CILK1: variants seen among roughly 807,000 people sequenced by gnomAD.
The protein encoded by CILK1 is serine/threonine-protein kinase ICK.
CILK1 carries 47 observed loss-of-function variants against 79.2 expected under a neutral mutation model. The observed-to-expected ratio is 0.59, with a 90% CI of 0.47 to 0.76. The LOEUF (loss-of-function observed/expected upper bound fraction) is 0.76. Among genes scored for constraint, CILK1 ranks in the 30% least tolerant of loss-of-function variants. The pLI is 0.00. For missense variants in CILK1, 660 were observed against 769.5 expected, an observed-to-expected ratio of 0.86 and a Z score of 1.68; for synonymous variants, 266 against 275.9, an observed-to-expected ratio of 0.96 and a Z score of 0.36.
intron 1 of CILK1, among the ~76,000 whole-genome samples, chr6:53,047,293 T>G (rs764047614): frequency 1.4e-4 from 21 of 150,540 alleles, no homozygotes; most frequent in Non-Finnish European, 2.7e-4. Context: ...CATGCAGGAG[T>G]TTTTTGTTTT....
At chr6:53,024,810 C>T (rs1183199076) in intron 5 of CILK1, among the ~76,000 whole-genome samples, 6 of 150,938 alleles carry the variant, frequency 4.0e-5, no homozygotes, top group Middle Eastern at 6.8e-3. Flanking sequence ...CTCTACTCTC[C>T]CTTTCAATCC....
rs529330020 is a variant in CILK1 at position 53,014,613 on chromosome 6, A to C, written c.832-631T>G. 5.9e-5 allele frequency among the ~76,000 whole-genome samples: 9 copies of C among 152,360 alleles called. No homozygotes were observed. In the South Asian group the frequency reaches 1.7e-3, roughly 28 times the overall value. ...TATATTCTCTTGTCTTTCTGAATGA[A>C]AGTTATTAAGCATAACATAATCTTT... On this transcript the variant is annotated intron_variant, in intron 8 of 13. Transcript: ENST00000676107.
intron 1 of CILK1, among the ~76,000 whole-genome samples, chr6:53,049,584 A>G (rs1268178462): frequency 2.0e-5 from 3 of 152,200 alleles, no homozygotes; most frequent in African/African-American, 7.2e-5. Context: ...GGCAGGTGGG[A>G]AACATGAAAG....
chr6:53,054,183 T>C (rs545615426), intron 1 of CILK1, among the ~76,000 whole-genome samples: 3 of 152,078 alleles, frequency 2.0e-5, no homozygotes, highest in Non-Finnish European at 2.9e-5. Flanking sequence ...AGCTCACATG[T>C]CACCTCTTCC....
At chr6:53,045,719 A>T (rs1767026582) in intron 1 of CILK1, among the ~76,000 whole-genome samples, 1 of 150,544 alleles carries the variant, frequency 6.6e-6, no homozygotes, top group Non-Finnish European at 1.5e-5. Context: ...TCTGTGTATG[A>T]ATCCTCCATC....
intron 1 of CILK1, among the ~76,000 whole-genome samples, chr6:53,048,025 C>T (rs1389410092): frequency 6.6e-6 from 1 of 152,040 alleles, no homozygotes; most frequent in African/African-American, 2.4e-5. Flanking sequence ...GGGAACACAG[C>T]ATTCAGACAA....
At chr6:53,032,680 A>G (rs1341862626) in intron 3 of CILK1, 26 bp from the exon 4 acceptor site, 3 of 1,570,580 alleles carry the variant, frequency 1.9e-6, no homozygotes, top group Admixed American at 1.7e-5. Flanking sequence ...TAAACACAAA[A>G]CAAAACAAAT....
At chr6:53,048,672 G>C (rs1370050781) in intron 1 of CILK1, among the ~76,000 whole-genome samples, 1 of 18,098 alleles carries the variant, frequency 5.5e-5, no homozygotes, top group Non-Finnish European at 8.3e-5. Flanking sequence ...GAAAAAAGAA[G>C]GGACCATGGT....
chr6:53,040,173 G>T (rs1455634947), intron 2 of CILK1, among the ~76,000 whole-genome samples: 1 of 152,136 alleles, frequency 6.6e-6, no homozygotes, highest in East Asian at 1.9e-4. Flanking sequence ...TCTCCAATGT[G>T]GTTCCCAGAG....
intron 7 of CILK1, among the ~76,000 whole-genome samples, chr6:53,017,420 T>G (rs1044346931): frequency 2.0e-5 from 3 of 152,160 alleles, no homozygotes; most frequent in African/African-American, 7.2e-5. Context: ...GTGACAGATA[T>G]CACTCAGGCA....
Position 53,039,003 on chromosome 6 carries a change from T to C in CILK1, c.102-1010A>G, listed in dbSNP as rs142977604. Among the ~76,000 whole-genome samples, 580 of 152,336 alleles carry C rather than the reference T, an allele frequency of 3.8e-3. 2 individuals carry two copies. Among genetic ancestry groups the C allele is most frequent in the African/African-American group, 0.013 (559 of 41,564 alleles). On this transcript the variant is annotated intron_variant, in intron 2 of 13. Transcript: ENST00000676107. ...GCTGAGGAAACAGAAACAGAGAAGG[T>C]ACACGACTTTCCCGAGGTCTTACTG...
intron 1 of CILK1, among the ~76,000 whole-genome samples, chr6:53,053,468 T>A (rs760993288): frequency 6.6e-6 from 1 of 152,200 alleles, no homozygotes; most frequent in Non-Finnish European, 1.5e-5. Flanking sequence ...CATATATTAG[T>A]ACATTTAACC....
At chr6:53,037,711 A>G (rs1276241894) in intron 3 of CILK1, among the ~76,000 whole-genome samples, 1 of 152,238 alleles carries the variant, frequency 6.6e-6, no homozygotes, top group East Asian at 1.9e-4. Flanking sequence ...CAACTTCTTT[A>G]TATTGAAATA....
chr6:53,019,557 C>T (rs1033561279), intron 5 of CILK1, among the ~76,000 whole-genome samples, 198 bp from the exon 6 acceptor site: 1 of 152,162 alleles, frequency 6.6e-6, no homozygotes, highest in Admixed American at 6.5e-5. Context: ...TTTCCCTTTG[C>T]AAATCATTCA....
chr6:53,005,810 A>G lies in CILK1; in HGVS notation c.1744+505T>C, dbSNP rs575067216. 1.2e-4 allele frequency among the ~76,000 whole-genome samples: 18 copies of G among 152,126 alleles called. No homozygotes were observed. The South Asian group carries it at 3.7e-3, about 32-fold the overall frequency. On this transcript the variant is annotated intron_variant, in intron 13 of 13. Transcript: ENST00000676107. ...TCCACGTCACTCAGAATCCATGACA[A>G]TGTGCTTACAGGCATCGTATCACCC...
At chr6:53,011,155 G>C (rs1764545648) in intron 11 of CILK1, among the ~76,000 whole-genome samples, 1 of 152,100 alleles carries the variant, frequency 6.6e-6, no homozygotes, top group Admixed American at 6.5e-5. Flanking sequence ...TCCTACCCTG[G>C]TTTCCCTATT....
chr6:53,012,256 C>T (rs200316347), intron 9 of CILK1, 29 bp from the exon 10 acceptor site: 4 of 1,603,920 alleles, frequency 2.5e-6, no homozygotes, highest in Non-Finnish European at 3.4e-6. Flanking sequence ...TGGGGGAAAG[C>T]AATACTTGGC....
chr6:53,041,349 A>G lies in CILK1; in HGVS notation c.-113T>C. ...ATTTTTCGATGGCAGCACCAGCACA[A>G]GGTATTCAATAGGACGTGACTGTCT... is the stretch of plus-strand genomic sequence containing the variant. On this transcript the variant is annotated 5_prime_UTR_variant, in exon 2 of 14. Coordinates refer to ENST00000676107, the MANE Select transcript of CILK1 (RefSeq NM_014920.5). 1.3e-6 allele frequency: 1 copy of G among 758,804 alleles called. No homozygotes were observed. The highest frequency in any genetic ancestry group is 2.4e-6 in the Non-Finnish European group (1 of 418,606). 47.0% of individuals were successfully genotyped at this position (758,804 alleles called of 1,614,324 possible).
At chr6:53,019,410 T>G in intron 5 of CILK1, 51 bp from the exon 6 acceptor site, 2 of 1,602,860 alleles carry the variant, frequency 1.2e-6, no homozygotes, top group South Asian at 2.2e-5. Flanking sequence ...TGCTTCGTAT[T>G]ATTCTTTGCA....
Sources: allele counts gnomAD v4.1 joint callset (sites outside exome capture counted in the v4.1 genomes callset), GRCh38; gene constraint gnomAD v4.1.1; transcripts MANE v1.5; gene names NCBI Gene and HGNC (gene_info 2026-07-23, HGNC 2026-07-21).